The following AR variants were observed in gnomAD, a reference collection of about 807,000 sequenced individuals.
AR encodes dihydrotestosterone receptor.
A neutral mutation model predicts 53.9 loss-of-function variants in AR; 8 were observed. The ratio of observed to expected loss-of-function variants is 0.15; its 90% CI spans 0.09 to 0.27. AR has a LOEUF of 0.27. Ranked by LOEUF, AR falls within the 10% of genes least tolerant of loss-of-function variation. AR has a pLI of 1.00. For synonymous variants in AR, 359 were observed against 316.4 expected, an observed-to-expected ratio of 1.13 and a Z score of -1.43; for missense variants, 639 against 742.5, an observed-to-expected ratio of 0.86 and a Z score of 1.62.
chrX:67,696,615 T>A (rs984159582), intron 3 of AR, among the ~76,000 whole-genome samples: 1 of 112,023 alleles, frequency 8.9e-6, no homozygotes, highest in Non-Finnish European at 1.9e-5. Flanking sequence ...TGACCCAGAA[T>A]TGGGGCTGGG....
chrX:67,724,027 TTTC>T lies in AR; in HGVS notation c.*193_*195del. On this transcript the variant is annotated 3_prime_UTR_variant, in exon 8 of 8. Transcript: ENST00000374690. ...TTTTTTTCTCTTTCTCTCCTTTCTT[TTTC>T]TTCTTCCCTCCCTATCTAACCCTCC... The T allele has an allele frequency of 1.8e-6, 1 of 566,082 alleles. No individual in the cohort carries two copies. Among genetic ancestry groups the T allele is most frequent in the Non-Finnish European group, 2.7e-6 (1 of 368,488 alleles). The allele number at this position is 566,082 out of a possible 1,213,427, so 46.7% of individuals were successfully genotyped here.
At chrX:67,707,590 T>C (rs756210440) in intron 3 of AR, among the ~76,000 whole-genome samples, 1 of 112,029 alleles carries the variant, frequency 8.9e-6, no homozygotes, top group South Asian at 3.8e-4. Flanking sequence ...TGACTCTTTA[T>C]CCAATTTGCC....
intron 1 of AR, among the ~76,000 whole-genome samples, chrX:67,582,200 C>T (rs1219666503): frequency 8.9e-6 from 1 of 111,812 alleles, no homozygotes; most frequent in African/African-American, 3.2e-5. Context: ...TAAGATATTA[C>T]TGGGTTGTGT....
chrX:67,647,409 C>T (rs959783505), intron 2 of AR, among the ~76,000 whole-genome samples: 2 of 111,877 alleles, frequency 1.8e-5, no homozygotes, highest in Non-Finnish European at 3.8e-5. Flanking sequence ...TCCTTTAAAT[C>T]CATTCTTTCC....
rs149252060 is a variant in AR, at chrX:67,591,796, G to C, written c.1616+45034G>C. 1.3e-3 allele frequency among the ~76,000 whole-genome samples: 148 copies of C among 111,768 alleles called. 1 individual carries two copies. Among genetic ancestry groups the C allele is most frequent in the African/African-American group, 4.6e-3 (143 of 30,790 alleles). On this transcript the variant is annotated intron_variant, in intron 1 of 7. Transcript: ENST00000374690. ...CACTGTCATTCTCCAGTTTCTCTTG[G>C]AGTTGTCACCACCCTCTCCTTTGTT...
intron 1 of AR, among the ~76,000 whole-genome samples, chrX:67,607,125 G>A (rs928269742): frequency 9.0e-6 from 1 of 111,162 alleles, no homozygotes; most frequent in South Asian, 3.8e-4. Context: ...CGCCTCCCAG[G>A]TTCAAGCGAT....
intron 1 of AR, among the ~76,000 whole-genome samples, chrX:67,631,705 G>T (rs1293043718): frequency 2.7e-5 from 3 of 112,559 alleles, no homozygotes; most frequent in Non-Finnish European, 3.8e-5. Flanking sequence ...CTTTGGAGGA[G>T]GAGAGGCGCT....
chrX:67,589,267 C>T (rs1398127988), intron 1 of AR, among the ~76,000 whole-genome samples: 5 of 97,242 alleles, frequency 5.1e-5, no homozygotes, highest in Admixed American at 2.3e-4. Flanking sequence ...GAGACTCCGT[C>T]TCAAAAAAAA....
At chrX:67,644,620 A>G (rs1925957985) in intron 2 of AR, among the ~76,000 whole-genome samples, 1 of 111,962 alleles carries the variant, frequency 8.9e-6, no homozygotes, top group African/African-American at 3.3e-5. Context: ...AATGCCCTTT[A>G]ACTGACCTCC....
At chrX:67,667,786 A>G (rs1927345566) in intron 2 of AR, among the ~76,000 whole-genome samples, 1 of 110,164 alleles carries the variant, frequency 9.1e-6, no homozygotes, top group South Asian at 3.9e-4. Flanking sequence ...CATTTATTTG[A>G]CTAAGTTTAT....
At chrX:67,641,294 G>C (rs1925751110) in intron 1 of AR, among the ~76,000 whole-genome samples, 1 of 111,818 alleles carries the variant, frequency 8.9e-6, no homozygotes, top group Admixed American at 9.5e-5. Flanking sequence ...AGGTTGTTGG[G>C]AAAATTAAAT....
At chrX:67,569,561 C>T (rs1342741688) in intron 1 of AR, among the ~76,000 whole-genome samples, 1 of 111,709 alleles carries the variant, frequency 9.0e-6, no homozygotes, top group East Asian at 2.8e-4. Flanking sequence ...GTGCTCGTAT[C>T]TCTGTGTAAT....
At chrX:67,704,848 TC>T (rs2076058632) in intron 3 of AR, among the ~76,000 whole-genome samples, 1 of 112,336 alleles carries the variant, frequency 8.9e-6, no homozygotes, top group African/African-American at 3.2e-5. Context: ...GGATCCAGTT[TC>T]AGCTTTCTAC....
At chrX:67,549,388 GCACT>G (rs986849016) in intron 1 of AR, among the ~76,000 whole-genome samples, 2 of 111,825 alleles carry the variant, frequency 1.8e-5, no homozygotes, top group African/African-American at 6.5e-5. Context: ...AGTAACATCT[GCACT>G]CACTCTGTGT....
At chrX:67,574,018 C>A (rs994611935) in intron 1 of AR, among the ~76,000 whole-genome samples, 1 of 111,918 alleles carries the variant, frequency 8.9e-6, no homozygotes, top group Admixed American at 9.4e-5. Flanking sequence ...AGACAAAATT[C>A]TTTCCATTCT....
chrX:67,675,779 T>C (rs1265315597), intron 2 of AR, among the ~76,000 whole-genome samples: 1 of 112,066 alleles, frequency 8.9e-6, no homozygotes, highest in Non-Finnish European at 1.9e-5. Flanking sequence ...TTTTGGTTCT[T>C]ATGAAGGTGC....
intron 2 of AR, among the ~76,000 whole-genome samples, chrX:67,666,059 A>G (rs1927246873): frequency 9.0e-6 from 1 of 111,684 alleles, no homozygotes; most frequent in African/African-American, 3.3e-5. Flanking sequence ...TTTCTTTGTG[A>G]TACAAACAAT....
At chrX:67,652,379 G>A (rs1415788724) in intron 2 of AR, among the ~76,000 whole-genome samples, 1 of 111,441 alleles carries the variant, frequency 9.0e-6, no homozygotes, top group African/African-American at 3.3e-5. Flanking sequence ...GGTTGATTTG[G>A]TCACAGGTTA....
chrX:67,627,163 T>G (rs1430376479), intron 1 of AR, among the ~76,000 whole-genome samples: 10 of 110,969 alleles, frequency 9.0e-5, no homozygotes, highest in South Asian at 3.9e-4. Context: ...GGATGGCTGG[T>G]TCAAATGGTA....
Sources: gnomAD v4.1 joint callset for allele counts (sites outside exome capture counted in the v4.1 genomes callset) on GRCh38, gnomAD v4.1.1 for gene constraint, MANE v1.5 for transcripts, NCBI Gene and HGNC (gene_info 2026-07-23, HGNC 2026-07-21) for gene names.